The following PPARGC1B variants were observed in gnomAD, a reference collection of about 807,000 sequenced individuals.
The protein encoded by PPARGC1B is peroxisome proliferator-activated receptor gamma coactivator 1-beta.
In PPARGC1B, 34 loss-of-function variants were observed where a neutral mutation model predicts 101.6. The observed-to-expected ratio is 0.33, with a 90% CI of 0.25 to 0.45. The LOEUF (loss-of-function observed/expected upper bound fraction) is 0.45. Ranked by LOEUF, PPARGC1B falls within the 20% of genes least tolerant of loss-of-function variation. The probability of loss-of-function intolerance (pLI) is 1.00; values close to 1 mark genes in which losing one functional copy is unlikely to be tolerated. For missense variants in PPARGC1B, 1,234 were observed against 1,317.6 expected, an observed-to-expected ratio of 0.94 and a Z score of 0.98; for synonymous variants, 548 against 539.3, an observed-to-expected ratio of 1.02 and a Z score of -0.22.
chr5:149,820,704 A>G (rs1481851638), intron 2 of PPARGC1B, 98 bp downstream of exon 2: 38 of 1,218,726 alleles, frequency 3.1e-5, no homozygotes, highest in Non-Finnish European at 4.2e-5. Flanking sequence ...GCACTTGCTC[A>G]TGCAGAGAAA....
rs1488185821 is a variant in PPARGC1B at position 149,836,452 on chromosome 5, C to G, written c.1997C>G (p.Ser666Cys). The change falls in exon 8 of 12, where the codon TCC becomes TGC. Residue 666 changes from serine to cysteine, a missense_variant. Physicochemically the swap from Ser to Cys is moderately radical, Grantham distance 112 (BLOSUM62 -1). Transcript: ENST00000309241. ...CACCCAGAGCGAAGTGAGCTCCTGT[C>G]CCACCTGCGACATGCCACAGCCCAG... is the stretch of plus-strand genomic sequence containing the variant. ...KKHPERSELL[S>C]HLRHATAQPA... is the part of the protein sequence containing the mutation. The G allele has an allele frequency of 6.2e-7, 1 of 1,614,112 alleles. No homozygotes were observed. Among genetic ancestry groups the G allele is most frequent in the Non-Finnish European group, 8.5e-7 (1 of 1,180,032 alleles).
chr5:149,787,517 A>T (rs12109848), intron 1 of PPARGC1B, among the ~76,000 whole-genome samples: 1 of 152,256 alleles, frequency 6.6e-6, no homozygotes, highest in Non-Finnish European at 1.5e-5. Flanking sequence ...GCCGGTGTCT[A>T]TTGTCACACA....
At chr5:149,799,695 T>TTTTTTTTG (rs1554078154) in intron 1 of PPARGC1B, among the ~76,000 whole-genome samples, 1 of 110,436 alleles carries the variant, frequency 9.1e-6, no homozygotes, top group Non-Finnish European at 1.7e-5. Context: ...TTGTTGTTGT[T>TTTTTTTTG]TTTTTTTTTT....
rs112927263 is a variant in PPARGC1B, at chr5:149,798,778, T to C, written c.79-21655T>C. On this transcript the variant is annotated intron_variant, in intron 1 of 11. Transcript: ENST00000309241. ...TGCTTACCATCCCTGGGACTCAGTT[T>C]CCTCATCTGTAGAGTGGACTGGACA... Among the ~76,000 whole-genome samples, 354 of 152,328 alleles carry C rather than the reference T, an allele frequency of 2.3e-3. 1 individual carries two copies. The highest frequency in any genetic ancestry group is 8.3e-3 in the African/African-American group (347 of 41,572).
At chr5:149,789,068 A>G (rs1756914873) in intron 1 of PPARGC1B, among the ~76,000 whole-genome samples, 1 of 152,166 alleles carries the variant, frequency 6.6e-6, no homozygotes, top group African/African-American at 2.4e-5. Flanking sequence ...CCCTAGAAAG[A>G]ACTTAAGTAT....
chr5:149,784,427 C>T (rs1005745917), intron 1 of PPARGC1B, among the ~76,000 whole-genome samples: 7 of 151,954 alleles, frequency 4.6e-5, no homozygotes, highest in African/African-American at 1.7e-4. Flanking sequence ...GTAGGAAGCC[C>T]CCCAGTGGCC....
chr5:149,741,310 G>A (rs936751934), intron 1 of PPARGC1B, among the ~76,000 whole-genome samples: 2 of 152,218 alleles, frequency 1.3e-5, no homozygotes, highest in Non-Finnish European at 2.9e-5. Context: ...CCTTGGCAAC[G>A]TGGCTGCTCG....
Position 149,851,519 on chromosome 5 carries a change from G to A in PPARGC1B, c.*3961G>A, listed in dbSNP as rs147717565. On this transcript the variant is annotated 3_prime_UTR_variant, in exon 12 of 12. Transcript: ENST00000309241. ...ATTTAGCAGCTGCCTTCAGTTTGGGGTTACCCACATCCCAGCATCAGATAT... is the reference window on the plus strand; with the variant it reads ...ATTTAGCAGCTGCCTTCAGTTTGGGATTACCCACATCCCAGCATCAGATAT... 1 of 152,162 alleles carries A rather than the reference G, an allele frequency of 6.6e-6. No homozygotes were observed. The highest frequency in any genetic ancestry group is 1.5e-5 in the Non-Finnish European group (1 of 68,022). The allele number at this position is 152,162 out of a possible 1,614,324, so 9.4% of individuals were successfully genotyped here.
intron 1 of PPARGC1B, among the ~76,000 whole-genome samples, chr5:149,748,284 A>C (rs999746029): frequency 7.5e-5 from 10 of 132,800 alleles, no homozygotes; most frequent in Non-Finnish European, 1.1e-4. Flanking sequence ...AAATGGGGTG[A>C]AGAGATATAG....
chr5:149,833,570 C>G lies in PPARGC1B; in HGVS notation c.1497C>G (p.Pro499=). 1 of 1,593,974 alleles carries G rather than the reference C, an allele frequency of 6.3e-7. No individual in the cohort carries two copies. The highest frequency in any genetic ancestry group is 8.5e-7 in the Non-Finnish European group (1 of 1,170,478). The part of the protein sequence containing the change: ...WLTFADEPLV[P]SEPQGALPSL... ...CATTTGCAGATGAGCCGCTGGTCCC[C>G]TCGGAGCCCCAAGGTGCTCTGCCCT... Residue 499 remains proline, a synonymous_variant, in exon 5 of 12, where the codon CCC becomes CCG. Transcript: ENST00000309241. The surrounding 1 kb of genome is among the most constrained non-coding windows in gnomAD (Gnocchi z 4.1).
downstream of PPARGC1B, among the ~76,000 whole-genome samples, chr5:149,855,810 A>G (rs1759932865): frequency 6.6e-6 from 1 of 152,178 alleles, no homozygotes; most frequent in Non-Finnish European, 1.5e-5. Flanking sequence ...ACACTGGCAA[A>G]GAGAATTATA....
At chr5:149,815,633 T>C (rs539424654) in intron 1 of PPARGC1B, among the ~76,000 whole-genome samples, 1 of 152,296 alleles carries the variant, frequency 6.6e-6, no homozygotes, top group South Asian at 2.1e-4. Flanking sequence ...GCGTGATCTC[T>C]GCTCACTGCA....
chr5:149,838,994 A>G (rs1412516560), intron 8 of PPARGC1B, among the ~76,000 whole-genome samples: 1 of 152,222 alleles, frequency 6.6e-6, no homozygotes, highest in Non-Finnish European at 1.5e-5. Context: ...ATGATAATAC[A>G]ATAATTAGGT....
At position 149,837,830 on chromosome 5, in the gene PPARGC1B, C is replaced by T. The variant is rs1759170499; in HGVS notation, c.2618+757C>T. ...TGAGGACAGTCAGTGTCATCATCCC[C>T]AGCCCTGTGTTGAGGTGAAGCTGAG... is the stretch of plus-strand genomic sequence containing the variant. On this transcript the variant is annotated intron_variant, in intron 8 of 11. Coordinates refer to ENST00000309241, the MANE Select transcript of PPARGC1B (RefSeq NM_133263.4). This position sits in a 1 kb window ranked among gnomAD's most constrained non-coding sequence, Gnocchi z 4.2. Among the ~76,000 whole-genome samples, 1 of 152,210 alleles carries T rather than the reference C, an allele frequency of 6.6e-6. No homozygotes were observed. Among genetic ancestry groups the T allele is most frequent in the African/African-American group, 2.4e-5 (1 of 41,444 alleles).
chr5:149,765,460 A>G (rs1021344668), intron 1 of PPARGC1B, among the ~76,000 whole-genome samples: 1 of 152,174 alleles, frequency 6.6e-6, no homozygotes, highest in Non-Finnish European at 1.5e-5. Flanking sequence ...AGTCGAGAAA[A>G]TGGGAAGGAC....
chr5:149,816,668 A>G (rs546751445), intron 1 of PPARGC1B, among the ~76,000 whole-genome samples: 101 of 152,316 alleles, frequency 6.6e-4, no homozygotes, highest in African/African-American at 2.3e-3. Flanking sequence ...TCTAAGAAGC[A>G]AGGCCTACAA....
In PPARGC1B at chr5:149,851,860, G is replaced by A. The variant is rs1015734032; in HGVS notation, c.*4302G>A. ...CCTGAGCCGGCTACAAGACACCCAG[G>A]AAGTAGGCAAAGGCTGACTTTGCAT... On this transcript the variant is annotated 3_prime_UTR_variant, in exon 12 of 12. Coordinates refer to ENST00000309241, the MANE Select transcript of PPARGC1B (RefSeq NM_133263.4). 2.0e-5 allele frequency: 3 copies of A among 152,276 alleles called. No homozygotes were observed. The highest frequency in any genetic ancestry group is 3.8e-4 in the East Asian group (2 of 5,204). The allele number at this position is 152,276 out of a possible 1,614,324, so 9.4% of individuals were successfully genotyped here. A position where few individuals can be genotyped will look rare whatever the true frequency, so the allele number is the denominator to read the frequency against.
At chr5:149,824,900 T>C (rs1758444151) in intron 2 of PPARGC1B, among the ~76,000 whole-genome samples, 1 of 152,256 alleles carries the variant, frequency 6.6e-6, no homozygotes, top group Non-Finnish European at 1.5e-5. Context: ...TCTCTCCCCG[T>C]GTTCCCCCTT....
Position 149,854,607 on chromosome 5 carries a change from T to C in PPARGC1B, c.*7049T>C, listed in dbSNP as rs893811893. 6.6e-6 allele frequency: 1 copy of C among 152,178 alleles called. No individual in the cohort carries two copies. Among genetic ancestry groups the C allele is most frequent in the African/African-American group, 2.4e-5 (1 of 41,426 alleles). 9.4% of individuals were successfully genotyped at this position (152,178 alleles called of 1,614,324 possible). A position where few individuals can be genotyped will look rare whatever the true frequency, so the allele number is the denominator to read the frequency against. On this transcript the variant is annotated 3_prime_UTR_variant, in exon 12 of 12. Transcript: ENST00000309241. ...TATATATTTTTTCCATTTTGTTGGG[T>C]TGTGTCCTTATTTATATAAATACTT...
Sources: allele counts gnomAD v4.1 joint callset (sites outside exome capture counted in the v4.1 genomes callset), GRCh38; gene constraint gnomAD v4.1.1; non-coding constraint Gnocchi (gnomAD v3.1); transcripts MANE v1.5; gene names NCBI Gene and HGNC (gene_info 2026-07-23, HGNC 2026-07-21).